The following NEK10 variants were observed in gnomAD, a reference collection of about 807,000 sequenced individuals.
The protein encoded by NEK10 is serine/threonine-protein kinase Nek10.
Under a neutral mutation model 159.8 loss-of-function variants are expected in NEK10, and 122 were observed. The ratio of observed to expected loss-of-function variants is 0.76; its 90% CI spans 0.66 to 0.89. The LOEUF (loss-of-function observed/expected upper bound fraction) is 0.89. NEK10 is among the 40% of genes least tolerant of loss of function. The probability of loss-of-function intolerance (pLI) is 0.00; values close to 1 mark genes in which losing one functional copy is unlikely to be tolerated. For synonymous variants in NEK10, 466 were observed against 457.1 expected (o/e 1.02, Z -0.25); for missense variants, 1,342 against 1,323.1 (o/e 1.01, Z -0.22).
At chr3:27,141,084 C>T (rs1943743496) in intron 31 of NEK10, among the ~76,000 whole-genome samples, 1 of 152,142 alleles carries the variant, frequency 6.6e-6, no homozygotes, top group Non-Finnish European at 1.5e-5. Context: ...GGCTTTCACT[C>T]TCTGAAAGGT....
chr3:27,329,815 C>T (rs547540075), intron 5 of NEK10, among the ~76,000 whole-genome samples: 1 of 152,078 alleles, frequency 6.6e-6, no homozygotes, highest in Non-Finnish European at 1.5e-5. Flanking sequence ...CTTACCTGCT[C>T]ATCTCCCACA....
At chr3:27,216,747 G>C (rs1052661746) in intron 23 of NEK10, among the ~76,000 whole-genome samples, 1 of 152,178 alleles carries the variant, frequency 6.6e-6, no homozygotes, top group African/African-American at 2.4e-5. Context: ...TTCCAGTTAA[G>C]TTGCCCTAGT....
chr3:27,313,695 C>A (rs1396119759), intron 7 of NEK10, among the ~76,000 whole-genome samples: 1 of 152,078 alleles, frequency 6.6e-6, no homozygotes, highest in African/African-American at 2.4e-5. Context: ...ATGCTAAGGG[C>A]TTCAGCCTTC....
chr3:27,204,919 C>G (rs1421114669), intron 23 of NEK10, among the ~76,000 whole-genome samples: 10 of 139,960 alleles, frequency 7.1e-5, no homozygotes, highest in Non-Finnish European at 1.4e-4. Flanking sequence ...AGTTTACAGT[C>G]CCACCAACAG....
chr3:27,114,320 CA>C (rs1268779451), intron 35 of NEK10, among the ~76,000 whole-genome samples: 4 of 152,200 alleles, frequency 2.6e-5, no homozygotes, highest in African/African-American at 7.2e-5. Context: ...AATGAAAATT[CA>C]AAAATCTCTC....
intron 25 of NEK10, among the ~76,000 whole-genome samples, chr3:27,199,391 T>A (rs537924627): frequency 5.9e-5 from 9 of 152,082 alleles, no homozygotes; most frequent in African/African-American, 2.2e-4. Context: ...TAAATGCAAA[T>A]CAAAATCACA....
chr3:27,260,382 G>A (rs1319361085), intron 22 of NEK10, among the ~76,000 whole-genome samples: 1 of 152,138 alleles, frequency 6.6e-6, no homozygotes, highest in Non-Finnish European at 1.5e-5. Context: ...TTATTATTTT[G>A]AGATAGGTCC....
chr3:27,194,894 C>T (rs6551179), intron 25 of NEK10, among the ~76,000 whole-genome samples: 99,925 of 152,124 alleles, frequency 0.66, 34,916 homozygotes, highest in African/African-American at 0.91. Context: ...ATCCTAGTAC[C>T]GAGCAGAACA....
intron 5 of NEK10, among the ~76,000 whole-genome samples, chr3:27,343,259 T>C (rs1467636479): frequency 1.3e-5 from 2 of 152,180 alleles, no homozygotes; most frequent in Admixed American, 6.5e-5. Context: ...GATGGAGATA[T>C]GAAGTCATCA....
intron 12 of NEK10, among the ~76,000 whole-genome samples, chr3:27,302,760 A>C (rs556962581): frequency 6.6e-6 from 1 of 152,252 alleles, no homozygotes; most frequent in East Asian, 1.9e-4. Context: ...CTCTCATGTC[A>C]TCTGGGTCCA....
Position 27,202,469 on chromosome 3 carries a change from G to A in NEK10, c.2179C>T (p.Pro727Ser). ...CILYQMATLS[P>S]PFYSTNMLSL... Reference sequence around the variant, plus strand: ...AGCATGTTAGTGCTGTAGAAGGGGGGACTCAAAGTCGCCATCTGATAAAGG... The same window carrying A: ...AGCATGTTAGTGCTGTAGAAGGGGGAACTCAAAGTCGCCATCTGATAAAGG... The change falls in exon 24 of 36, where the codon CCC becomes TCC. Residue 727 changes from proline (P) to serine (S), a missense_variant. Coordinates refer to ENST00000691995, the MANE Select transcript of NEK10 (RefSeq NM_001394966.1). 6.2e-7 allele frequency: 1 copy of A among 1,613,780 alleles called. No homozygotes were observed. The highest frequency in any genetic ancestry group is 8.5e-7 in the Non-Finnish European group (1 of 1,179,830).
At chr3:27,237,824 T>G (rs1374519589) in intron 23 of NEK10, among the ~76,000 whole-genome samples, 1 of 152,016 alleles carries the variant, frequency 6.6e-6, no homozygotes, top group Non-Finnish European at 1.5e-5. Flanking sequence ...TTTTTAACAG[T>G]AAAGAAAATG....
rs140611868 is a variant in NEK10, at chr3:27,224,398, G to A, written c.2091-21841C>T. 9.9e-3 allele frequency among the ~76,000 whole-genome samples: 1,510 copies of A among 152,246 alleles called. 15 individuals carry two copies. Among genetic ancestry groups the A allele is most frequent in the Non-Finnish European group, 0.013 (902 of 68,016 alleles). ...CAAGAGGTGCTGGCTGCATACTCCCGCCCCCACAACACTTCCAGTGGGGTT... is the reference window on the plus strand; with the variant it reads ...CAAGAGGTGCTGGCTGCATACTCCCACCCCCACAACACTTCCAGTGGGGTT... On this transcript the variant is annotated intron_variant, in intron 23 of 35. Coordinates refer to ENST00000691995, the MANE Select transcript of NEK10 (RefSeq NM_001394966.1).
chr3:27,305,630 AT>A lies in NEK10; in HGVS notation c.804-660del, dbSNP rs1434073123. ...GCTAAAGACTAAAAAAAAAAAAAAA[AT>A]AATAATAATAAAAGCCTTATTCTAG... On this transcript the variant is annotated intron_variant, in intron 11 of 35. Transcript: ENST00000691995. Among the ~76,000 whole-genome samples, 5 of 147,090 alleles carry A rather than the reference AT, an allele frequency of 3.4e-5. No individual in the cohort carries two copies. In the East Asian group the frequency reaches 5.9e-4, roughly 17 times the overall value.
At chr3:27,354,952 A>G (rs963724665) in intron 1 of NEK10, among the ~76,000 whole-genome samples, 4 of 152,198 alleles carry the variant, frequency 2.6e-5, no homozygotes. Context: ...TCTCAAAAAG[A>G]CATACAGAAT....
chr3:27,264,909 T>C (rs1251909230), intron 22 of NEK10, among the ~76,000 whole-genome samples: 2 of 86,306 alleles, frequency 2.3e-5, no homozygotes, highest in African/African-American at 7.1e-5. Flanking sequence ...AATAAATAAA[T>C]AAATAAATAA....
intron 13 of NEK10, among the ~76,000 whole-genome samples, chr3:27,298,943 TA>T (rs1438032155): frequency 1.3e-5 from 2 of 152,168 alleles, no homozygotes; most frequent in Admixed American, 6.5e-5. Flanking sequence ...CATTGAGTTT[TA>T]AAAGAGGAAC....
At chr3:27,172,763 G>GA (rs978483472) in intron 28 of NEK10, among the ~76,000 whole-genome samples, 1 of 151,830 alleles carries the variant, frequency 6.6e-6, no homozygotes, top group Non-Finnish European at 1.5e-5. Context: ...TTATATATCA[G>GA]AAAAAATTTT....
At position 27,240,059 on chromosome 3, in the gene NEK10, C is replaced by G. The variant is rs192170897; in HGVS notation, c.2090+16237G>C. On this transcript the variant is annotated intron_variant, in intron 23 of 35. Transcript: ENST00000691995. ...AAACTAAATGTTCCTTTTCAGGTTTCTCTAATCCTACTGTTTTATGGTCTC... is the reference window on the plus strand; with the variant it reads ...AAACTAAATGTTCCTTTTCAGGTTTGTCTAATCCTACTGTTTTATGGTCTC... Among the ~76,000 whole-genome samples, 68 of 152,296 alleles carry G rather than the reference C, an allele frequency of 4.5e-4. 2 individuals carry two copies. The East Asian group carries it at 0.01, about 23-fold the overall frequency.
Sources: gnomAD v4.1 joint callset for allele counts (sites outside exome capture counted in the v4.1 genomes callset) on GRCh38, gnomAD v4.1.1 for gene constraint, MANE v1.5 for transcripts, NCBI Gene and HGNC (gene_info 2026-07-23, HGNC 2026-07-21) for gene names.